The following LRP1B variants were observed in gnomAD, a reference collection of about 807,000 sequenced individuals.
LRP1B encodes LDL receptor related protein 1B, also known as low-density lipoprotein receptor-related protein 1B.
Under a neutral mutation model 556.6 loss-of-function variants are expected in LRP1B, and 217 were observed. The observed-to-expected ratio is 0.39, with a 90% confidence interval of 0.35 to 0.44. The LOEUF (loss-of-function observed/expected upper bound fraction) is 0.44, where lower values mean the gene tolerates loss of function less well. Among genes scored for constraint, LRP1B ranks in the 20% least tolerant of loss-of-function variants. The probability of loss-of-function intolerance (pLI) is 1.00; values close to 1 mark genes in which losing one functional copy is unlikely to be tolerated. For synonymous variants in LRP1B, 2,047 were observed against 1,865.8 expected (o/e 1.10, Z -2.50); for missense variants, 5,053 against 5,620.8 (o/e 0.90, Z 3.23).
At chr2:141,696,116 G>C (rs982353225) in intron 2 of LRP1B, among the ~76,000 whole-genome samples, 7 of 151,840 alleles carry the variant, frequency 4.6e-5, no homozygotes, top group African/African-American at 9.7e-5. Flanking sequence ...GAGTGTTCTA[G>C]ATACAACTTC....
intron 1 of LRP1B, among the ~76,000 whole-genome samples, chr2:141,826,128 T>C (rs1696911850): frequency 6.6e-6 from 1 of 151,958 alleles, no homozygotes; most frequent in African/African-American, 2.4e-5. Context: ...TGACCACTTC[T>C]AGGTAATAGC....
At chr2:141,319,406 A>T (rs2105467534) in intron 3 of LRP1B, among the ~76,000 whole-genome samples, 1 of 150,692 alleles carries the variant, frequency 6.6e-6, no homozygotes, top group Middle Eastern at 3.5e-3. Context: ...AGTGAGGCAA[A>T]TCTGAATAAG....
Position 140,851,958 on chromosome 2 carries a change from T to C in LRP1B, c.4580-175A>G, listed in dbSNP as rs187345484. 9.2e-5 allele frequency among the ~76,000 whole-genome samples: 14 copies of C among 152,262 alleles called. No homozygotes were observed. The East Asian group carries it at 2.3e-3, about 25-fold the overall frequency. ...CAATCATACACAGCAATTACATTAATAAAAAAACATTATTTCAAAGATAAC... is the reference window on the plus strand; with the variant it reads ...CAATCATACACAGCAATTACATTAACAAAAAAACATTATTTCAAAGATAAC... On this transcript the variant is annotated intron_variant, in intron 27 of 90. Coordinates refer to ENST00000389484, the MANE Select transcript of LRP1B (RefSeq NM_018557.3).
At chr2:142,111,730 C>T (rs1042243061) in intron 1 of LRP1B, among the ~76,000 whole-genome samples, 8 of 151,988 alleles carry the variant, frequency 5.3e-5, no homozygotes, top group South Asian at 2.1e-4. Flanking sequence ...TTGTGGAATC[C>T]ATGCCAGTCT....
At position 141,018,541 on chromosome 2, in the gene LRP1B, C is replaced by A. The variant is rs988214433; in HGVS notation, c.1970+1381G>T. 1.1e-4 allele frequency among the ~76,000 whole-genome samples: 17 copies of A among 152,070 alleles called. 1 individual carries two copies. Among genetic ancestry groups the A allele is most frequent in the Admixed American group, 5.9e-4 (9 of 15,252 alleles). ...TCTAAATTTGATGAGAGAGATGGAA[C>A]TAGTGGGCTCTGAATTTTCTTCTAA... On this transcript the variant is annotated intron_variant, in intron 12 of 90. Transcript: ENST00000389484.
At chr2:140,408,546 A>C (rs532496466) in intron 66 of LRP1B, among the ~76,000 whole-genome samples, 1 of 151,960 alleles carries the variant, frequency 6.6e-6, no homozygotes, top group Non-Finnish European at 1.5e-5. Context: ...CTAAAAAGAG[A>C]AATGAAGTAC....
chr2:140,748,810 C>A lies in LRP1B; in HGVS notation c.5758+20403G>T, dbSNP rs951995742. Among the ~76,000 whole-genome samples, 4 of 99,438 alleles carry A rather than the reference C, an allele frequency of 4.0e-5. 1 individual carries two copies. The highest frequency in any genetic ancestry group is 2.4e-4 in the East Asian group (1 of 4,082). The allele number at this position is 99,438 out of a possible 152,430, so 65.2% of individuals were successfully genotyped here. A position where few individuals can be genotyped will look rare whatever the true frequency, so the allele number is the denominator to read the frequency against. ...ATATATATTATATACATATTATATA[C>A]ATGTATATAATATATATCATATATT... On this transcript the variant is annotated intron_variant, in intron 35 of 90. Transcript: ENST00000389484.
intron 23 of LRP1B, among the ~76,000 whole-genome samples, chr2:140,892,122 G>T (rs1358587352): frequency 6.6e-6 from 1 of 151,916 alleles, no homozygotes; most frequent in Non-Finnish European, 1.5e-5. Flanking sequence ...TTGCATAAAT[G>T]AATAAATAAT....
At chr2:141,722,240 T>C (rs1038044919) in intron 2 of LRP1B, among the ~76,000 whole-genome samples, 2 of 152,098 alleles carry the variant, frequency 1.3e-5, no homozygotes, top group African/African-American at 2.4e-5. Context: ...TAGGTGGGCA[T>C]GGTGGTGGGC....
intron 66 of LRP1B, among the ~76,000 whole-genome samples, chr2:140,437,471 TG>T (rs1262159721): frequency 2.0e-5 from 3 of 152,224 alleles, no homozygotes; most frequent in Non-Finnish European, 4.4e-5. Context: ...ATATAGTACA[TG>T]TATTTATAAT....
intron 10 of LRP1B, among the ~76,000 whole-genome samples, chr2:141,054,438 C>G (rs1321129343): frequency 6.6e-6 from 1 of 151,922 alleles, no homozygotes; most frequent in East Asian, 1.9e-4. Flanking sequence ...AAGACCTTAA[C>G]TAATTATTGT....
At chr2:140,635,100 C>A (rs1019087987) in intron 41 of LRP1B, among the ~76,000 whole-genome samples, 6 of 151,994 alleles carry the variant, frequency 3.9e-5, no homozygotes, top group African/African-American at 1.4e-4. Flanking sequence ...CAAATTAATT[C>A]TATTAAATAA....
At chr2:140,672,507 A>AAAAAAAAAAAAAAAAAAAAAAAAAAAC in intron 41 of LRP1B, among the ~76,000 whole-genome samples, 1 of 149,756 alleles carries the variant, frequency 6.7e-6, no homozygotes, top group African/African-American at 2.5e-5. Flanking sequence ...AAAAAAAAAA[A>AAAAAAAAAAAAAAAAAAAAAAAAAAAC]TTCACCAGTT....
intron 23 of LRP1B, among the ~76,000 whole-genome samples, chr2:140,897,184 A>G (rs2105213044): frequency 6.6e-6 from 1 of 152,376 alleles, no homozygotes; most frequent in South Asian, 2.1e-4. Flanking sequence ...TGGAAAATAT[A>G]GCAATCTTAA....
At chr2:141,654,312 TG>T (rs1157417777) in intron 2 of LRP1B, among the ~76,000 whole-genome samples, 2 of 152,190 alleles carry the variant, frequency 1.3e-5, no homozygotes, top group Admixed American at 6.5e-5. Flanking sequence ...GTTGAAAATT[TG>T]GGGAGGCTAT....
chr2:140,522,107 C>T lies in LRP1B; in HGVS notation c.8026+3737G>A, dbSNP rs1341815206. Among the ~76,000 whole-genome samples, 4 of 152,056 alleles carry T rather than the reference C, an allele frequency of 2.6e-5. No individual in the cohort carries two copies. In the East Asian group the frequency reaches 7.7e-4, roughly 29 times the overall value. ...TTGGACCTAATAGACATCCACAAAA[C>T]ACTCCAGACTACCGTAGCATATACA... On this transcript the variant is annotated intron_variant, in intron 49 of 90. Transcript: ENST00000389484.
In LRP1B at chr2:141,157,592, C is replaced by T. The variant is rs112775088; in HGVS notation, c.1013+30829G>A. ...TAAACATGTAGATTTTCCTACAGTTCGATTCATTCAAATAGTAATATCCTA... is the reference window on the plus strand; with the variant it reads ...TAAACATGTAGATTTTCCTACAGTTTGATTCATTCAAATAGTAATATCCTA... On this transcript the variant is annotated intron_variant, in intron 7 of 90. Transcript: ENST00000389484. 3.0e-3 allele frequency among the ~76,000 whole-genome samples: 453 copies of T among 152,010 alleles called. 2 individuals are homozygous for T. Among genetic ancestry groups the T allele is most frequent in the Non-Finnish European group, 4.1e-3 (280 of 67,940 alleles).
intron 2 of LRP1B, among the ~76,000 whole-genome samples, chr2:141,808,364 T>C (rs1211186219): frequency 6.6e-6 from 1 of 152,102 alleles, no homozygotes; most frequent in Non-Finnish European, 1.5e-5. Flanking sequence ...GATTATGCTA[T>C]GGAAGTCTTT....
chr2:141,687,530 T>C (rs2105439855), intron 2 of LRP1B, among the ~76,000 whole-genome samples: 1 of 152,132 alleles, frequency 6.6e-6, no homozygotes, highest in South Asian at 2.1e-4. Flanking sequence ...TTTATTGATA[T>C]TTCATAGCTG....
Sources: gnomAD v4.1 joint callset for allele counts (sites outside exome capture counted in the v4.1 genomes callset) on GRCh38, gnomAD v4.1.1 for gene constraint, MANE v1.5 for transcripts, NCBI Gene and HGNC (gene_info 2026-07-23, HGNC 2026-07-21) for gene names.